The following ESRRB variants were observed in gnomAD, a reference collection of about 807,000 sequenced individuals.
ESRRB encodes steroid hormone receptor ERR2.
A neutral mutation model predicts 46.0 loss-of-function variants in ESRRB; 16 were observed. The observed-to-expected ratio is 0.35, with a 90% confidence interval of 0.24 to 0.53. The LOEUF is 0.53. ESRRB is among the 20% of genes least tolerant of loss of function. ESRRB has a pLI of 0.93. For missense variants in ESRRB, 488 were observed against 607.4 expected, an observed-to-expected ratio of 0.80 and a Z score of 2.07; for synonymous variants, 246 against 259.6, an observed-to-expected ratio of 0.95 and a Z score of 0.50.
intron 1 of ESRRB, among the ~76,000 whole-genome samples, chr14:76,358,310 TCAAAA>T (rs1382568535): frequency 1.6e-4 from 8 of 49,078 alleles, no homozygotes; most frequent in South Asian, 6.5e-4. Flanking sequence ...AGACTCTGTC[TCAAAA>T]AAAAAAAAAA....
chr14:76,425,676 C>G (rs1362276052), intron 1 of ESRRB, among the ~76,000 whole-genome samples: 4 of 152,192 alleles, frequency 2.6e-5, no homozygotes, highest in Non-Finnish European at 4.4e-5. Flanking sequence ...TCTGGACACT[C>G]CCCTGACCCA....
chr14:76,370,180 G>A (rs1411033943), upstream of ESRRB, among the ~76,000 whole-genome samples: 1 of 151,298 alleles, frequency 6.6e-6, no homozygotes. Context: ...CTGAGGTCAG[G>A]AGTTCGAGAC....
At chr14:76,459,741 T>C (rs1274248631) in intron 2 of ESRRB, among the ~76,000 whole-genome samples, 1 of 152,166 alleles carries the variant, frequency 6.6e-6, no homozygotes, top group Non-Finnish European at 1.5e-5. Context: ...CTCTAAGAAA[T>C]AGGGCTAGAC....
At chr14:76,483,806 C>T (rs1049698005) in intron 5 of ESRRB, among the ~76,000 whole-genome samples, 8 of 152,142 alleles carry the variant, frequency 5.3e-5, no homozygotes, top group Non-Finnish European at 1.0e-4. Context: ...TTACAGCAGA[C>T]GATACAGCAA....
At chr14:76,460,882 T>C (rs769454606) in intron 2 of ESRRB, among the ~76,000 whole-genome samples, 29 of 152,094 alleles carry the variant, frequency 1.9e-4, no homozygotes, top group Middle Eastern at 3.4e-3. Context: ...TTTTTTGTAT[T>C]TTTAGTAGAG....
upstream of ESRRB, among the ~76,000 whole-genome samples, chr14:76,374,500 G>A (rs749445772): frequency 5.9e-5 from 9 of 152,132 alleles, no homozygotes; most frequent in Non-Finnish European, 8.8e-5. Flanking sequence ...AAGGACTGGG[G>A]CCTTTTTCCT....
intron 3 of ESRRB, among the ~76,000 whole-genome samples, chr14:76,468,829 T>G (rs1566603097): frequency 6.6e-6 from 1 of 152,186 alleles, no homozygotes; most frequent in Non-Finnish European, 1.5e-5. Context: ...GATATTCTTC[T>G]GTGATCCAGA....
chr14:76,358,169 A>C (rs556738159), intron 1 of ESRRB, among the ~76,000 whole-genome samples: 1 of 151,690 alleles, frequency 6.6e-6, no homozygotes, highest in South Asian at 2.1e-4. Context: ...AAAATTATCC[A>C]GGCGTGGTGG....
At chr14:76,416,455 G>C (rs542873323) in intron 1 of ESRRB, among the ~76,000 whole-genome samples, 1 of 150,608 alleles carries the variant, frequency 6.6e-6, no homozygotes, top group Non-Finnish European at 1.5e-5. Context: ...TTTTCCCCCC[G>C]TCTCTGCTTT....
chr14:76,405,085 T>C (rs1886119342), intron 1 of ESRRB, among the ~76,000 whole-genome samples: 1 of 152,008 alleles, frequency 6.6e-6, no homozygotes, highest in African/African-American at 2.4e-5. Context: ...GGCTCGCAGA[T>C]TTTGTTTTTG....
intron 1 of ESRRB, among the ~76,000 whole-genome samples, chr14:76,416,133 C>G (rs1303017654): frequency 7.6e-6 from 1 of 131,754 alleles, no homozygotes; most frequent in African/African-American, 2.9e-5. Context: ...ACCATTTTCC[C>G]TTTTTTTTTT....
chr14:76,355,799 C>A (rs913968652), intron 1 of ESRRB, among the ~76,000 whole-genome samples: 3 of 152,156 alleles, frequency 2.0e-5, no homozygotes, highest in African/African-American at 7.2e-5. Context: ...GATGTTAGTT[C>A]CCCATCTTCC....
At chr14:76,414,581 C>G (rs549540711) in intron 1 of ESRRB, among the ~76,000 whole-genome samples, 22 of 151,002 alleles carry the variant, frequency 1.5e-4, no homozygotes, top group African/African-American at 5.1e-4. Context: ...TCTCAGATCC[C>G]CACTCCCCCA....
chr14:76,480,655 C>T (rs979099161), intron 3 of ESRRB, among the ~76,000 whole-genome samples: 35 of 152,036 alleles, frequency 2.3e-4, no homozygotes, highest in African/African-American at 8.2e-4. Flanking sequence ...GGCCTGAATC[C>T]GGGGGACTGG....
At chr14:76,338,090 A>G (rs1465829476) in intron 1 of ESRRB, among the ~76,000 whole-genome samples, 3 of 152,206 alleles carry the variant, frequency 2.0e-5, no homozygotes, top group Admixed American at 2.0e-4. Flanking sequence ...ACCTCTCACT[A>G]AAGGAGCTTC....
At chr14:76,335,966 A>G (rs1250437356) in intron 1 of ESRRB, among the ~76,000 whole-genome samples, 1 of 152,224 alleles carries the variant, frequency 6.6e-6, no homozygotes, top group African/African-American at 2.4e-5. Context: ...AAAGGGGAAA[A>G]TGAGGCACAG....
At chr14:76,435,923 A>G (rs2139924521) in intron 1 of ESRRB, among the ~76,000 whole-genome samples, 1 of 152,340 alleles carries the variant, frequency 6.6e-6, no homozygotes, top group Admixed American at 6.5e-5. Context: ...CTCAGGCTCT[A>G]AATTAATAGC....
At position 76,324,421 on chromosome 14, in the gene ESRRB, G is replaced by T. The variant is rs1007439044; in HGVS notation, c.2+13505G>T. ...GCAGCTGGGGATGGGAGCATCACTG[G>T]CCAGAGGGATCTGAGCAGAGCACCA... is the stretch of plus-strand genomic sequence containing the variant. On this transcript the variant is annotated intron_variant, in intron 1 of 6. Coordinates refer to the ESRRB transcript ENST00000512784. Among the ~76,000 whole-genome samples, 4 of 152,172 alleles carry T rather than the reference G, an allele frequency of 2.6e-5. 1 individual carries two copies. The highest frequency in any genetic ancestry group is 4.4e-5 in the Non-Finnish European group (3 of 68,024).
chr14:76,497,501 A>G (rs1174802282), intron 6 of ESRRB, among the ~76,000 whole-genome samples: 1 of 151,796 alleles, frequency 6.6e-6, no homozygotes, highest in East Asian at 1.9e-4. Context: ...TTTTGTTTGA[A>G]CCCCTAGGTC....
Sources: gnomAD v4.1 joint callset for allele counts (sites outside exome capture counted in the v4.1 genomes callset) on GRCh38, gnomAD v4.1.1 for gene constraint, MANE v1.5 for transcripts, NCBI Gene and HGNC (gene_info 2026-07-23, HGNC 2026-07-21) for gene names.